The following PALM2AKAP2 variants were observed in gnomAD, a reference collection of about 807,000 sequenced individuals.
The protein encoded by PALM2AKAP2 is PALM2 and AKAP2 fusion.
A neutral mutation model predicts 71.5 loss-of-function variants in PALM2AKAP2; 37 were observed. The ratio of observed to expected loss-of-function variants is 0.52; its 90% CI spans 0.40 to 0.68. The LOEUF (loss-of-function observed/expected upper bound fraction) is 0.68. Among genes scored for constraint, PALM2AKAP2 ranks in the 30% least tolerant of loss-of-function variants. The pLI is 0.00. For synonymous variants in PALM2AKAP2, 468 were observed against 478.8 expected (o/e 0.98, Z 0.29); for missense variants, 1,224 against 1,191.8 (o/e 1.03, Z -0.40).
intron 6 of PALM2AKAP2, among the ~76,000 whole-genome samples, chr9:109,956,886 T>G (rs537672834): frequency 2.0e-5 from 3 of 152,310 alleles, no homozygotes; most frequent in Non-Finnish European, 4.4e-5. Context: ...AACACTGTCT[T>G]GCCTCCTTGC....
intron 1 of PALM2AKAP2, among the ~76,000 whole-genome samples, chr9:109,842,029 A>G (rs956386188): frequency 1.3e-4 from 19 of 151,758 alleles, no homozygotes; most frequent in African/African-American, 4.6e-4. Flanking sequence ...AGCTGGTGTT[A>G]GGAGGCCAGG....
intron 6 of PALM2AKAP2, among the ~76,000 whole-genome samples, chr9:109,951,115 G>C (rs528968448): frequency 2.4e-4 from 37 of 152,258 alleles, no homozygotes; most frequent in Non-Finnish European, 3.8e-4. Context: ...ATCATACAGG[G>C]GTTCCAGAAA....
chr9:110,030,361 C>T (rs1275674411), intron 7 of PALM2AKAP2, among the ~76,000 whole-genome samples: 1 of 152,158 alleles, frequency 6.6e-6, no homozygotes, highest in African/African-American at 2.4e-5. Flanking sequence ...ATATGAGTTG[C>T]TAATGGCAAC....
intron 1 of PALM2AKAP2, among the ~76,000 whole-genome samples, chr9:109,752,879 A>G (rs902491893): frequency 9.2e-5 from 14 of 152,326 alleles, no homozygotes; most frequent in Admixed American, 8.5e-4. Context: ...GGTCCTGAAC[A>G]TAAAGAGTAG....
At chr9:110,123,822 C>T (rs774479418) in intron 1 of PALM2AKAP2, among the ~76,000 whole-genome samples, 36 of 152,178 alleles carry the variant, frequency 2.4e-4, no homozygotes, top group South Asian at 1.2e-3. Flanking sequence ...CATCGCTGGT[C>T]GAGGGCACTT....
intron 1 of PALM2AKAP2, among the ~76,000 whole-genome samples, chr9:110,083,520 C>T (rs569261518): frequency 1.1e-4 from 16 of 152,230 alleles, no homozygotes; most frequent in African/African-American, 3.9e-4. Flanking sequence ...CATTGACAGC[C>T]TAGGATACTG....
intron 3 of PALM2AKAP2, among the ~76,000 whole-genome samples, chr9:110,161,034 C>G (rs547631026): frequency 1.3e-5 from 2 of 152,258 alleles, no homozygotes; most frequent in South Asian, 4.2e-4. Flanking sequence ...GTGAAGGAAG[C>G]CTATCTGCCT....
intron 1 of PALM2AKAP2, among the ~76,000 whole-genome samples, chr9:109,861,593 C>T (rs184280877): frequency 1.4e-4 from 21 of 152,256 alleles, no homozygotes; most frequent in African/African-American, 4.8e-4. Flanking sequence ...ATTGAGATCA[C>T]GTCATTCCAG....
chr9:109,668,682 A>G (rs550948694), intron 1 of PALM2AKAP2, among the ~76,000 whole-genome samples: 2 of 152,348 alleles, frequency 1.3e-5, no homozygotes, highest in East Asian at 3.9e-4. Context: ...GCCAACCAAC[A>G]CTATCAAGAA....
intron 1 of PALM2AKAP2, among the ~76,000 whole-genome samples, chr9:110,130,173 G>A (rs536385419): frequency 1.3e-5 from 2 of 152,260 alleles, no homozygotes; most frequent in African/African-American, 4.8e-5. Flanking sequence ...GTGAACATTT[G>A]CATTAACCGT....
chr9:109,757,512 G>T (rs1224085310), intron 1 of PALM2AKAP2, among the ~76,000 whole-genome samples: 2 of 152,076 alleles, frequency 1.3e-5, no homozygotes, highest in Admixed American at 6.6e-5. Flanking sequence ...AGGCAGGTCT[G>T]CCCCATACAG....
At chr9:110,084,415 C>T (rs1053294233) in intron 1 of PALM2AKAP2, among the ~76,000 whole-genome samples, 2 of 152,050 alleles carry the variant, frequency 1.3e-5, no homozygotes, top group African/African-American at 4.8e-5. Flanking sequence ...ATAATGCCAA[C>T]AATGGAAAAA....
chr9:109,939,103 C>G (rs1831297602), intron 6 of PALM2AKAP2, among the ~76,000 whole-genome samples: 1 of 152,024 alleles, frequency 6.6e-6, no homozygotes, highest in Non-Finnish European at 1.5e-5. Flanking sequence ...TTCTCATATT[C>G]ACTTTTCTTT....
chr9:110,104,189 CG>C (rs1210835333), intron 1 of PALM2AKAP2, among the ~76,000 whole-genome samples: 1 of 31,400 alleles, frequency 3.2e-5, no homozygotes, highest in Non-Finnish European at 7.0e-5. Flanking sequence ...TTTGGGGGGG[CG>C]GGGGGGTAAG....
chr9:109,719,695 A>G (rs1257111531), intron 1 of PALM2AKAP2, among the ~76,000 whole-genome samples: 1 of 152,206 alleles, frequency 6.6e-6, no homozygotes, highest in Non-Finnish European at 1.5e-5. Flanking sequence ...TGTGGCATAC[A>G]TAGAAATCAG....
chr9:109,662,728 G>A (rs941219053), intron 1 of PALM2AKAP2, among the ~76,000 whole-genome samples: 1 of 152,154 alleles, frequency 6.6e-6, no homozygotes, highest in African/African-American at 2.4e-5. Flanking sequence ...GATTGGAATA[G>A]TTTCAGAAGG....
intron 1 of PALM2AKAP2, among the ~76,000 whole-genome samples, chr9:109,819,715 G>A (rs546805070): frequency 0.074 from 11,187 of 151,678 alleles, 1,138 homozygotes; most frequent in African/African-American, 0.23. Context: ...ATGTGTGTGT[G>A]TGTGTGTGTG....
At chr9:109,830,062 G>A (rs1392711443) in intron 1 of PALM2AKAP2, among the ~76,000 whole-genome samples, 1 of 152,114 alleles carries the variant, frequency 6.6e-6, no homozygotes, top group East Asian at 1.9e-4. Context: ...CAAGATGCAG[G>A]TATGTTTTTC....
intron 1 of PALM2AKAP2, among the ~76,000 whole-genome samples, chr9:109,737,876 G>T (rs1217923302): frequency 2.0e-5 from 3 of 152,192 alleles, no homozygotes; most frequent in African/African-American, 7.2e-5. Context: ...TATTCCAACT[G>T]TGTTTTCTCA....
Sources: allele counts gnomAD v4.1 joint callset (sites outside exome capture counted in the v4.1 genomes callset), GRCh38; gene constraint gnomAD v4.1.1; transcripts MANE v1.5; gene names NCBI Gene and HGNC (gene_info 2026-07-23, HGNC 2026-07-21).